The following CAPS2 variants were observed in gnomAD, a reference collection of about 807,000 sequenced individuals.
CAPS2 encodes calcyphosine 2, also known as calcyphosin-2.
Under a neutral mutation model 86.5 loss-of-function variants are expected in CAPS2, and 98 were observed. The ratio of observed to expected loss-of-function variants is 1.13; its 90% CI spans 0.96 to 1.34. The LOEUF (loss-of-function observed/expected upper bound fraction) is 1.34. CAPS2 is among the 40% of genes most tolerant of loss of function. The pLI is 0.00. For synonymous variants in CAPS2, 210 were observed against 225.1 expected (o/e 0.93, Z 0.60); for missense variants, 729 against 686.8 (o/e 1.06, Z -0.69).
chr12:75,385,392 A>C, intron 1 of CAPS2, among the ~76,000 whole-genome samples: 1 of 152,140 alleles, frequency 6.6e-6, no homozygotes, highest in East Asian at 1.9e-4. Flanking sequence ...ACTGGACAAA[A>C]TCCAGTATGA....
In CAPS2 at chr12:75,358,130, T is replaced by G. The variant is rs149908730; in HGVS notation, c.-395+32708A>C. Among the ~76,000 whole-genome samples, 396 of 151,384 alleles carry G rather than the reference T, an allele frequency of 2.6e-3. 1 individual carries two copies. Among genetic ancestry groups the G allele is most frequent in the Non-Finnish European group, 4.4e-3 (301 of 67,684 alleles). ...TGATCAAAAAAAGATAAAAATAATA[T>G]GAGAACATAGGTGATAACACTACAG... On this transcript the variant is annotated intron_variant, in intron 1 of 5. Transcript: ENST00000551829.
intron 14 of CAPS2, among the ~76,000 whole-genome samples, chr12:75,289,398 C>T (rs1373487640): frequency 2.0e-5 from 3 of 152,176 alleles, no homozygotes; most frequent in African/African-American, 7.2e-5. Context: ...AGTATTATCT[C>T]AGAGCTTAGC....
chr12:75,287,829 A>T (rs1286875197), intron 14 of CAPS2, among the ~76,000 whole-genome samples: 4 of 152,208 alleles, frequency 2.6e-5, no homozygotes, highest in African/African-American at 9.6e-5. Flanking sequence ...ACTCGAAATT[A>T]GTTGATCACA....
At chr12:75,340,693 G>T (rs2042042862) in intron 1 of CAPS2, among the ~76,000 whole-genome samples, 1 of 144,154 alleles carries the variant, frequency 6.9e-6, no homozygotes, top group African/African-American at 2.6e-5. Context: ...ATTTAAGAAA[G>T]AACTCCTATC....
At chr12:75,346,955 T>A (rs548249469) in intron 1 of CAPS2, among the ~76,000 whole-genome samples, 1 of 151,930 alleles carries the variant, frequency 6.6e-6, no homozygotes, top group Admixed American at 6.6e-5. Context: ...AATGAAAAAA[T>A]TTTATTCTAT....
intron 1 of CAPS2, among the ~76,000 whole-genome samples, chr12:75,343,070 GAAT>G (rs1217536659): frequency 3.3e-5 from 5 of 151,750 alleles, no homozygotes; most frequent in African/African-American, 1.2e-4. Flanking sequence ...TGTAATCTGT[GAAT>G]AATGATAGAT....
chr12:75,384,743 A>G (rs901921654), intron 1 of CAPS2, among the ~76,000 whole-genome samples: 2 of 152,224 alleles, frequency 1.3e-5, no homozygotes, highest in Non-Finnish European at 2.9e-5. Context: ...ACATAGATGC[A>G]AAATTCCCCA....
rs550910503 is a variant in CAPS2 at position 75,337,990 on chromosome 12, A to G, written c.-394-14768T>C. Among the ~76,000 whole-genome samples, 24 of 152,248 alleles carry G rather than the reference A, an allele frequency of 1.6e-4. No individual in the cohort carries two copies. The South Asian group carries it at 5.0e-3, about 32-fold the overall frequency. On this transcript the variant is annotated intron_variant, in intron 1 of 5. Coordinates refer to the CAPS2 transcript ENST00000551829. ...TAAATAGTCTTATGCCATTACATAA[A>G]TTAAATACGTAATTTAAAATATTCT...
exon 17 of CAPS2, chr12:75,278,986 T>C (rs775355295): frequency 1.2e-6 from 2 of 1,610,780 alleles, no homozygotes; most frequent in African/African-American, 2.7e-5. Context: ...ATTCACCATA[T>C]GACACTTCAT....
intron 8 of CAPS2, among the ~76,000 whole-genome samples, chr12:75,302,330 C>T (rs1465731430): frequency 6.6e-6 from 1 of 152,136 alleles, no homozygotes. Flanking sequence ...AATACTGACA[C>T]AGGGAACAGA....
At chr12:75,387,602 T>C (rs2045357600) in intron 1 of CAPS2, among the ~76,000 whole-genome samples, 1 of 152,206 alleles carries the variant, frequency 6.6e-6, no homozygotes, top group African/African-American at 2.4e-5. Flanking sequence ...AGGAATTGAC[T>C]TCTTAGAATT....
At chr12:75,296,483 G>C (rs1325002375) in intron 11 of CAPS2, among the ~76,000 whole-genome samples, 2 of 152,030 alleles carry the variant, frequency 1.3e-5, no homozygotes, top group Non-Finnish European at 2.9e-5. Context: ...TAGTAGAGAC[G>C]GGGTTTCACT....
chr12:75,280,565 G>GAA (rs201346681), intron 16 of CAPS2, among the ~76,000 whole-genome samples: 2,608 of 151,376 alleles, frequency 0.017, 43 homozygotes, highest in Middle Eastern at 0.035. Context: ...AAAAGAGAAA[G>GAA]AAAAAAATAC....
At chr12:75,352,370 A>C (rs2042873637) in intron 1 of CAPS2, among the ~76,000 whole-genome samples, 1 of 152,262 alleles carries the variant, frequency 6.6e-6, no homozygotes, top group Non-Finnish European at 1.5e-5. Context: ...CTGATAAAAC[A>C]AACTTTAAAC....
At chr12:75,326,102 T>G (rs1162653855) in intron 1 of CAPS2, among the ~76,000 whole-genome samples, 1 of 152,188 alleles carries the variant, frequency 6.6e-6, no homozygotes, top group South Asian at 2.1e-4. Flanking sequence ...ATCTGACTTG[T>G]GCTTTTTTTG....
intron 12 of CAPS2, among the ~76,000 whole-genome samples, chr12:75,292,784 TA>T (rs1565800895): frequency 6.7e-6 from 1 of 149,812 alleles, no homozygotes; most frequent in Non-Finnish European, 1.5e-5. Flanking sequence ...AAATTCATTT[TA>T]AAAGCAATGT....
At chr12:75,302,957 T>C (rs1388036801) in intron 8 of CAPS2, among the ~76,000 whole-genome samples, 1 of 152,212 alleles carries the variant, frequency 6.6e-6, no homozygotes, top group Non-Finnish European at 1.5e-5. Flanking sequence ...TTGGGAAAGC[T>C]ATTTGGCTGC....
intron 7 of CAPS2, among the ~76,000 whole-genome samples, chr12:75,309,486 C>T (rs542078457): frequency 1.3e-5 from 2 of 152,294 alleles, no homozygotes; most frequent in South Asian, 4.1e-4. Context: ...AACAATCTTG[C>T]CCTCTCTGGC....
chr12:75,384,527 G>T (rs982725511), intron 1 of CAPS2, among the ~76,000 whole-genome samples: 1 of 152,038 alleles, frequency 6.6e-6, no homozygotes, highest in African/African-American at 2.4e-5. Context: ...TTCCAAAACA[G>T]AAAGCACCAG....
Sources: allele counts gnomAD v4.1 joint callset (sites outside exome capture counted in the v4.1 genomes callset), GRCh38; gene constraint gnomAD v4.1.1; transcripts MANE v1.5; gene names NCBI Gene and HGNC (gene_info 2026-07-23, HGNC 2026-07-21).